CDIN1: variants seen among roughly 807,000 people sequenced by gnomAD.
The protein encoded by CDIN1 is CDAN1 interacting nuclease 1, also known as CDAN1-interacting nuclease 1.
CDIN1 carries 33 observed loss-of-function variants against 45.3 expected under a neutral mutation model. The ratio of observed to expected loss-of-function variants is 0.73; its 90% CI spans 0.55 to 0.97. The LOEUF is 0.97. Ranked by LOEUF, CDIN1 falls within the 50% of genes least tolerant of loss-of-function variation. CDIN1 has a pLI of 0.00. For missense variants in CDIN1, 303 were observed against 339.4 expected (o/e 0.89, Z 0.84); for synonymous variants, 118 against 124.4 (o/e 0.95, Z 0.34).
chr15:36,586,692 A>G (rs1057077389), intron 1 of CDIN1, among the ~76,000 whole-genome samples: 34 of 152,220 alleles, frequency 2.2e-4, no homozygotes, highest in African/African-American at 7.7e-4. Flanking sequence ...ACAGTGCATT[A>G]TAATTGTGCC....
At chr15:36,713,176 A>G (rs1413268017) in intron 10 of CDIN1, among the ~76,000 whole-genome samples, 1 of 152,154 alleles carries the variant, frequency 6.6e-6, no homozygotes, top group Non-Finnish European at 1.5e-5. Context: ...GGTTTGAGAT[A>G]AAGTGGGTCA....
intron 10 of CDIN1, among the ~76,000 whole-genome samples, chr15:36,744,796 CTCTA>C (rs2044362589): frequency 1.3e-5 from 2 of 152,160 alleles, no homozygotes; most frequent in South Asian, 4.1e-4. Context: ...TTGTGTACAG[CTCTA>C]ATTAGCCCAT....
At chr15:36,584,294 G>T (rs1397986653) in intron 1 of CDIN1, among the ~76,000 whole-genome samples, 1 of 152,128 alleles carries the variant, frequency 6.6e-6, no homozygotes, top group Non-Finnish European at 1.5e-5. Flanking sequence ...AATTAGCCAG[G>T]TGTGGTGGTA....
intron 5 of CDIN1, among the ~76,000 whole-genome samples, chr15:36,690,268 T>G (rs1028944943): frequency 2.6e-5 from 4 of 151,966 alleles, no homozygotes; most frequent in South Asian, 4.1e-4. Context: ...TTTACTAACA[T>G]TTTTTTCTTT....
At chr15:36,738,719 C>A (rs1248428039) in intron 10 of CDIN1, among the ~76,000 whole-genome samples, 1 of 152,194 alleles carries the variant, frequency 6.6e-6, no homozygotes, top group Admixed American at 6.5e-5. Context: ...ACCCCCCCAA[C>A]AGCCTACAGC....
intron 10 of CDIN1, among the ~76,000 whole-genome samples, chr15:36,721,679 T>C (rs898490704): frequency 7.2e-5 from 11 of 152,198 alleles, no homozygotes; most frequent in Non-Finnish European, 1.3e-4. Flanking sequence ...ACTGGTTGTT[T>C]GTGTCATTCA....
intron 1 of CDIN1, among the ~76,000 whole-genome samples, chr15:36,588,057 T>C (rs1055170598): frequency 1.3e-5 from 2 of 152,210 alleles, no homozygotes; most frequent in Non-Finnish European, 2.9e-5. Flanking sequence ...AGTAACCTTT[T>C]GAAACATAAA....
intron 1 of CDIN1, among the ~76,000 whole-genome samples, chr15:36,636,133 T>C (rs2039888223): frequency 6.6e-6 from 1 of 151,762 alleles, no homozygotes; most frequent in South Asian, 2.1e-4. Context: ...TTGAAACTCA[T>C]AAAAAGCAAA....
intron 10 of CDIN1, among the ~76,000 whole-genome samples, chr15:36,785,246 C>T (rs535590077): frequency 6.6e-6 from 1 of 152,224 alleles, no homozygotes; most frequent in South Asian, 2.1e-4. Flanking sequence ...CTTTGGTTCC[C>T]ATCATAATAA....
chr15:36,738,236 A>G (rs72706795), intron 10 of CDIN1, among the ~76,000 whole-genome samples: 24,366 of 152,110 alleles, frequency 0.16, 2,362 homozygotes, highest in Admixed American at 0.28. Flanking sequence ...GGACCCATAT[A>G]TCCAGTTGCC....
intron 8 of CDIN1, chr15:36,708,134 G>A (rs2042934126): frequency 6.6e-6 from 1 of 152,114 alleles, no homozygotes; most frequent in Admixed American, 6.6e-5. Context: ...CTGAACATTG[G>A]CCATGAAACC....
chr15:36,634,300 C>A (rs1029182954), intron 1 of CDIN1, among the ~76,000 whole-genome samples: 1 of 138,626 alleles, frequency 7.2e-6, no homozygotes, highest in Non-Finnish European at 1.6e-5. Context: ...CGTGGTGGTG[C>A]ATGCCTGAAA....
intron 5 of CDIN1, among the ~76,000 whole-genome samples, chr15:36,658,630 C>T (rs1185078603): frequency 6.6e-6 from 1 of 152,116 alleles, no homozygotes; most frequent in Non-Finnish European, 1.5e-5. Context: ...TCATCTTCTG[C>T]ATTTTTATTA....
chr15:36,588,039 G>A (rs1225401233), intron 1 of CDIN1, among the ~76,000 whole-genome samples: 1 of 152,174 alleles, frequency 6.6e-6, no homozygotes, highest in Non-Finnish European at 1.5e-5. Flanking sequence ...TAGAAGAAAT[G>A]TCTGAGCAGT....
At chr15:36,710,964 G>A (rs1325081447) in intron 10 of CDIN1, among the ~76,000 whole-genome samples, 1 of 152,170 alleles carries the variant, frequency 6.6e-6, no homozygotes, top group East Asian at 1.9e-4. Flanking sequence ...ATGACAAAAT[G>A]CTGAATGTAA....
chr15:36,741,749 TTTC>T (rs564208029), intron 10 of CDIN1, among the ~76,000 whole-genome samples: 144 of 152,242 alleles, frequency 9.5e-4, no homozygotes, highest in African/African-American at 3.2e-3. Flanking sequence ...TGTGTCCAAG[TTTC>T]TTCTTCTTGT....
intron 5 of CDIN1, among the ~76,000 whole-genome samples, chr15:36,672,122 T>C (rs1483201247): frequency 2.6e-5 from 4 of 151,696 alleles, no homozygotes; most frequent in South Asian, 2.1e-4. Context: ...TTTTATTAGT[T>C]TAAATTTTTA....
intron 5 of CDIN1, among the ~76,000 whole-genome samples, chr15:36,683,261 G>A (rs1041199867): frequency 6.8e-6 from 1 of 147,688 alleles, no homozygotes; most frequent in South Asian, 2.2e-4. Flanking sequence ...TGTATAAGGT[G>A]TAAGGAAGGG....
chr15:36,595,024 C>A (rs1014468199), intron 1 of CDIN1: 1 of 506,982 alleles, frequency 2.0e-6, no homozygotes, highest in Non-Finnish European at 2.5e-6. Context: ...AAAAAATGTT[C>A]TTATGGCTTA....
Sources: gnomAD v4.1 joint callset for allele counts (sites outside exome capture counted in the v4.1 genomes callset) on GRCh38, gnomAD v4.1.1 for gene constraint, MANE v1.5 for transcripts, NCBI Gene and HGNC (gene_info 2026-07-23, HGNC 2026-07-21) for gene names.